Variants in PXT1 observed in about 807,000 individuals in gnomAD.
PXT1 encodes peroxisomal testis-specific protein 1.
In PXT1, 11 loss-of-function variants were observed where a neutral mutation model predicts 11.0. The observed-to-expected ratio is 1.00, with a 90% CI of 0.63 to 1.66. The LOEUF (loss-of-function observed/expected upper bound fraction) is 1.66, where lower values mean the gene tolerates loss of function less well. Among genes scored for constraint, PXT1 ranks in the 40% most tolerant of loss-of-function variants. PXT1 has a pLI of 0.00. For synonymous variants in PXT1, 43 were observed against 51.4 expected (o/e 0.84, Z 0.70); for missense variants, 141 against 155.5 (o/e 0.91, Z 0.49).
At chr6:36,413,228 C>T (rs1306083579) in intron 3 of PXT1, among the ~76,000 whole-genome samples, 1 of 151,842 alleles carries the variant, frequency 6.6e-6, no homozygotes, top group Non-Finnish European at 1.5e-5. Flanking sequence ...ACCATCCTGG[C>T]TAACATGGTG....
chr6:36,436,777 A>C (rs1487462694), intron 2 of PXT1, among the ~76,000 whole-genome samples: 2 of 152,230 alleles, frequency 1.3e-5, no homozygotes, highest in Non-Finnish European at 2.9e-5. Flanking sequence ...ATGCCATGTA[A>C]GTAAAAGGAA....
intron 3 of PXT1, among the ~76,000 whole-genome samples, chr6:36,409,862 G>GA (rs34985544): frequency 1.4e-5 from 2 of 143,544 alleles, no homozygotes; most frequent in Admixed American, 7.2e-5. Flanking sequence ...AGGAAGGAAG[G>GA]AGAAAGAAAA....
intron 4 of PXT1, among the ~76,000 whole-genome samples, chr6:36,392,556 G>A (rs1284166679): frequency 1.3e-5 from 2 of 152,158 alleles, no homozygotes; most frequent in African/African-American, 4.8e-5. Context: ...AGCTACTCAG[G>A]AGGCTGAGGT....
At chr6:36,434,793 T>G (rs1175322172) in intron 2 of PXT1, among the ~76,000 whole-genome samples, 5 of 152,220 alleles carry the variant, frequency 3.3e-5, no homozygotes, top group Non-Finnish European at 5.9e-5. Context: ...GAAATGTCTG[T>G]GGTTTGAAAA....
intron 3 of PXT1, among the ~76,000 whole-genome samples, chr6:36,409,939 A>AAGAAAG (rs375609864): frequency 7.7e-5 from 11 of 142,898 alleles, no homozygotes; most frequent in Admixed American, 2.2e-4. Flanking sequence ...GGACGAAGGA[A>AAGAAAG]AGAAAGAAAG....
At chr6:36,410,203 C>A (rs1561928019) in intron 3 of PXT1, among the ~76,000 whole-genome samples, 1 of 151,562 alleles carries the variant, frequency 6.6e-6, no homozygotes, top group Non-Finnish European at 1.5e-5. Context: ...GTAATCCCAG[C>A]ACTTTGGGAG....
intron 4 of PXT1, among the ~76,000 whole-genome samples, chr6:36,395,868 T>C (rs1359073952): frequency 6.6e-6 from 1 of 151,852 alleles, no homozygotes; most frequent in Non-Finnish European, 1.5e-5. Context: ...CCAGGTGTGG[T>C]GGTGGGCAAC....
At chr6:36,393,750 C>T (rs956449720) in intron 4 of PXT1, among the ~76,000 whole-genome samples, 2 of 150,764 alleles carry the variant, frequency 1.3e-5, no homozygotes, top group Non-Finnish European at 3.0e-5. Flanking sequence ...GTCACCTTCT[C>T]AATGAGGCCT....
At chr6:36,426,373 T>TGAGA in intron 2 of PXT1, among the ~76,000 whole-genome samples, 1 of 137,256 alleles carries the variant, frequency 7.3e-6, no homozygotes, top group African/African-American at 2.7e-5. Context: ...TTTTTTTTTT[T>TGAGA]TTTTTTTTTT....
chr6:36,436,801 A>G (rs1325659420), intron 2 of PXT1, among the ~76,000 whole-genome samples: 2 of 152,242 alleles, frequency 1.3e-5, no homozygotes, highest in Admixed American at 6.5e-5. Flanking sequence ...TCTTGTGTCC[A>G]TTGGGAAATA....
intron 2 of PXT1, among the ~76,000 whole-genome samples, chr6:36,431,450 T>C (rs1412848901): frequency 3.9e-5 from 6 of 152,124 alleles, no homozygotes; most frequent in Non-Finnish European, 1.5e-5. Flanking sequence ...AAAGAGGCTA[T>C]ATTAGAGTCA....
At chr6:36,414,384 G>A (rs999905529) in intron 3 of PXT1, among the ~76,000 whole-genome samples, 2 of 152,192 alleles carry the variant, frequency 1.3e-5, no homozygotes, top group Non-Finnish European at 2.9e-5. Context: ...TGGAGGAGGG[G>A]AGGAAAGGAA....
intron 3 of PXT1, among the ~76,000 whole-genome samples, chr6:36,408,444 TAG>T (rs1381601823): frequency 6.6e-6 from 1 of 151,044 alleles, no homozygotes; most frequent in East Asian, 2.0e-4. Flanking sequence ...TTATTTTTTG[TAG>T]AGACAGTCTT....
chr6:36,403,092 T>G (rs940027902), intron 3 of PXT1, among the ~76,000 whole-genome samples: 2 of 152,146 alleles, frequency 1.3e-5, no homozygotes, highest in Non-Finnish European at 2.9e-5. Context: ...ACTCGTGACC[T>G]CAAGTGATCT....
At chr6:36,418,031 C>G in intron 3 of PXT1, among the ~76,000 whole-genome samples, 1 of 148,978 alleles carries the variant, frequency 6.7e-6, no homozygotes, top group Non-Finnish European at 1.5e-5. Context: ...CCCGTCTCTA[C>G]TAAAAATATA....
chr6:36,437,709 G>A (rs892980326), intron 2 of PXT1, among the ~76,000 whole-genome samples: 2 of 151,302 alleles, frequency 1.3e-5, no homozygotes, highest in African/African-American at 4.9e-5. Context: ...GTAGAGACGG[G>A]GTTTCACCGT....
chr6:36,408,808 G>A (rs943872763), intron 3 of PXT1, among the ~76,000 whole-genome samples: 2 of 151,852 alleles, frequency 1.3e-5, no homozygotes, highest in South Asian at 4.2e-4. Context: ...TTGAGCCTGG[G>A]AGGTTGAGGC....
chr6:36,436,340 G>C (rs1582275787), intron 2 of PXT1, among the ~76,000 whole-genome samples: 2 of 152,214 alleles, frequency 1.3e-5, no homozygotes, highest in African/African-American at 4.8e-5. Context: ...AAGCAGGCAA[G>C]AGACCACTGT....
intron 3 of PXT1, among the ~76,000 whole-genome samples, chr6:36,423,946 G>A (rs1318478275): frequency 6.6e-6 from 1 of 152,164 alleles, no homozygotes; most frequent in Non-Finnish European, 1.5e-5. Context: ...TTAGCTAGTG[G>A]GTTGTTAACT....
Sources: gnomAD v4.1 joint callset for allele counts (sites outside exome capture counted in the v4.1 genomes callset) on GRCh38, gnomAD v4.1.1 for gene constraint, MANE v1.5 for transcripts, NCBI Gene and HGNC (gene_info 2026-07-23, HGNC 2026-07-21) for gene names.